The following ERBB4 variants were observed in gnomAD, a reference collection of about 807,000 sequenced individuals.
The protein encoded by ERBB4 is receptor tyrosine-protein kinase erbB-4.
ERBB4 carries 42 observed loss-of-function variants against 158.0 expected under a neutral mutation model. The ratio of observed to expected loss-of-function variants is 0.27; its 90% CI spans 0.21 to 0.34. ERBB4 has a LOEUF of 0.34. ERBB4 is among the 10% of genes least tolerant of loss of function. The probability of loss-of-function intolerance (pLI) is 1.00; values close to 1 mark genes in which losing one functional copy is unlikely to be tolerated. For missense variants in ERBB4, 1,333 were observed against 1,624.1 expected (o/e 0.82, Z 3.08); for synonymous variants, 583 against 558.7 (o/e 1.04, Z -0.61).
intron 1 of ERBB4, among the ~76,000 whole-genome samples, chr2:212,536,759 C>A (rs1284903686): frequency 6.6e-6 from 1 of 152,122 alleles, no homozygotes; most frequent in African/African-American, 2.4e-5. Flanking sequence ...GGAGCGGGGT[C>A]CCCCAGTGGC....
At chr2:211,480,456 C>A (rs1224355041) in intron 20 of ERBB4, among the ~76,000 whole-genome samples, 1 of 152,234 alleles carries the variant, frequency 6.6e-6, no homozygotes, top group East Asian at 1.9e-4. Context: ...GCACTTCCCC[C>A]TTTGCTCCCT....
intron 12 of ERBB4, among the ~76,000 whole-genome samples, chr2:211,681,257 T>C (rs1253596621): frequency 1.3e-5 from 2 of 152,198 alleles, no homozygotes; most frequent in Non-Finnish European, 2.9e-5. Context: ...CATTCACCTA[T>C]TGACAGACAT....
intron 9 of ERBB4, 104 bp from the exon 10 acceptor site, chr2:211,705,495 TA>T: frequency 1.2e-6 from 1 of 800,592 alleles, no homozygotes; most frequent in Non-Finnish European, 2.2e-6. Context: ...TAATTAGCAG[TA>T]GGGGTGTTAT....
intron 1 of ERBB4, among the ~76,000 whole-genome samples, chr2:212,201,681 G>T (rs1488761356): frequency 6.6e-6 from 1 of 151,936 alleles, no homozygotes; most frequent in Non-Finnish European, 1.5e-5. Flanking sequence ...ATTATTTTTT[G>T]ATCCATTCTT....
At chr2:212,094,810 G>A (rs1163394454) in intron 2 of ERBB4, among the ~76,000 whole-genome samples, 1 of 151,904 alleles carries the variant, frequency 6.6e-6, no homozygotes, top group Admixed American at 6.6e-5. Flanking sequence ...GACACAAAAT[G>A]GACTAACATA....
intron 4 of ERBB4, among the ~76,000 whole-genome samples, chr2:211,783,668 G>C (rs1194040023): frequency 1.3e-5 from 2 of 152,138 alleles, no homozygotes; most frequent in Non-Finnish European, 2.9e-5. Flanking sequence ...GCTGGATTAC[G>C]TTTATTGATT....
intron 3 of ERBB4, among the ~76,000 whole-genome samples, chr2:211,895,075 C>G (rs952215543): frequency 2.0e-5 from 3 of 152,136 alleles, no homozygotes; most frequent in African/African-American, 2.4e-5. Context: ...CCCTAGTTCC[C>G]TTTTCTGCTA....
intron 2 of ERBB4, among the ~76,000 whole-genome samples, chr2:212,058,706 T>C (rs1312530891): frequency 6.6e-6 from 1 of 152,178 alleles, no homozygotes; most frequent in Non-Finnish European, 1.5e-5. Flanking sequence ...ATTATCTCAA[T>C]AGATGCAGAA....
At chr2:211,780,320 C>T (rs2076004063) in intron 4 of ERBB4, among the ~76,000 whole-genome samples, 1 of 152,062 alleles carries the variant, frequency 6.6e-6, no homozygotes, top group Non-Finnish European at 1.5e-5. Context: ...GCTGTGATTG[C>T]ACCACTGCAC....
chr2:211,612,439 T>G (rs573559649), intron 19 of ERBB4, among the ~76,000 whole-genome samples: 22 of 151,880 alleles, frequency 1.4e-4, no homozygotes, highest in African/African-American at 5.1e-4. Flanking sequence ...TTATTAAAAT[T>G]TCTGAGTACT....
chr2:212,227,310 C>G (rs1030201491), intron 1 of ERBB4, among the ~76,000 whole-genome samples: 1 of 151,778 alleles, frequency 6.6e-6, no homozygotes, highest in African/African-American at 2.4e-5. Flanking sequence ...CAATATGAAC[C>G]TCAACAAAGC....
intron 1 of ERBB4, among the ~76,000 whole-genome samples, chr2:212,273,719 T>C (rs766092497): frequency 4.0e-5 from 6 of 151,820 alleles, no homozygotes; most frequent in South Asian, 2.1e-4. Context: ...ATAAAAGTTT[T>C]GGATGGTTTC....
At chr2:211,862,173 T>G (rs2078074535) in intron 3 of ERBB4, among the ~76,000 whole-genome samples, 1 of 152,168 alleles carries the variant, frequency 6.6e-6, no homozygotes, top group Non-Finnish European at 1.5e-5. Flanking sequence ...AATCATTAGA[T>G]CTAGCAAGTG....
chr2:212,375,134 G>A (rs10189506), intron 1 of ERBB4, among the ~76,000 whole-genome samples: 29,685 of 151,616 alleles, frequency 0.2, 3,047 homozygotes, highest in South Asian at 0.26. Context: ...CTCTAATAAA[G>A]CTTACTCTAA....
chr2:211,790,675 A>G lies in ERBB4; in HGVS notation c.422-2516T>C, dbSNP rs550721530. 3.3e-5 allele frequency among the ~76,000 whole-genome samples: 5 copies of G among 152,194 alleles called. No individual in the cohort carries two copies. The South Asian group carries it at 1.0e-3, about 31-fold the overall frequency. ...AAGACACATGATCAATCCAGATGAT[A>G]CTTTTATCATTCCTAATTCAAAACT... On this transcript the variant is annotated intron_variant, in intron 3 of 27. Transcript: ENST00000342788.
chr2:212,395,447 C>A (rs1363400267), intron 1 of ERBB4, among the ~76,000 whole-genome samples: 1 of 151,740 alleles, frequency 6.6e-6, no homozygotes, highest in Non-Finnish European at 1.5e-5. Flanking sequence ...GTAAAGGATA[C>A]TGATACTGAA....
chr2:211,777,378 C>T (rs973620524), intron 4 of ERBB4: 1 of 152,188 alleles, frequency 6.6e-6, no homozygotes, highest in Non-Finnish European at 1.5e-5. Flanking sequence ...CAATCACTCA[C>T]ATAGGTTGAA....
At chr2:211,870,999 C>G (rs2078330093) in intron 3 of ERBB4, among the ~76,000 whole-genome samples, 1 of 152,260 alleles carries the variant, frequency 6.6e-6, no homozygotes, top group Middle Eastern at 3.4e-3. Context: ...AAAAGTCAAG[C>G]TTAGTGTGGG....
chr2:211,482,092 G>A (rs886622060), intron 20 of ERBB4, among the ~76,000 whole-genome samples: 3 of 152,140 alleles, frequency 2.0e-5, no homozygotes, highest in African/African-American at 7.2e-5. Flanking sequence ...GGCAAAGCAA[G>A]TGGAGTTCAC....
Sources: gnomAD v4.1 joint callset for allele counts (sites outside exome capture counted in the v4.1 genomes callset) on GRCh38, gnomAD v4.1.1 for gene constraint, MANE v1.5 for transcripts, NCBI Gene and HGNC (gene_info 2026-07-23, HGNC 2026-07-21) for gene names.